The following ARHGAP12 variants were observed in gnomAD, a reference collection of about 807,000 sequenced individuals.
ARHGAP12 encodes the protein rho GTPase-activating protein 12.
ARHGAP12 carries 64 observed loss-of-function variants against 108.6 expected under a neutral mutation model. The ratio of observed to expected loss-of-function variants is 0.59; its 90% CI spans 0.48 to 0.73. The LOEUF (loss-of-function observed/expected upper bound fraction) is 0.73, where lower values mean the gene tolerates loss of function less well. Ranked by LOEUF, ARHGAP12 falls within the 30% of genes least tolerant of loss-of-function variation. The pLI is 0.00. For synonymous variants in ARHGAP12, 312 were observed against 337.2 expected (o/e 0.93, Z 0.82); for missense variants, 940 against 1,005.9 (o/e 0.93, Z 0.89).
At chr10:31,828,161 T>C (rs1472331883) in intron 10 of ARHGAP12, among the ~76,000 whole-genome samples, 3 of 152,138 alleles carry the variant, frequency 2.0e-5, no homozygotes, top group Non-Finnish European at 4.4e-5. Flanking sequence ...TAGGATGAAC[T>C]TTGCTACTGA....
intron 12 of ARHGAP12, among the ~76,000 whole-genome samples, chr10:31,819,965 A>G (rs1020229026): frequency 2.0e-5 from 3 of 152,134 alleles, no homozygotes; most frequent in Non-Finnish European, 4.4e-5. Context: ...TAAAAAAAAA[A>G]AAGGCCTTTA....
intron 3 of ARHGAP12, among the ~76,000 whole-genome samples, chr10:31,881,279 A>C (rs1417373752): frequency 6.6e-6 from 1 of 152,164 alleles, no homozygotes; most frequent in African/African-American, 2.4e-5. Context: ...AAAAACAAAA[A>C]CTTGCCTAAA....
In ARHGAP12 at chr10:31,908,279, A is replaced by C; in HGVS notation, c.577T>G (p.Phe193Val). ...GAATCACAAGATTGTTCCTGGGAGAAGCTAGTTTTCTCTACATCCAAGAAC... is the reference window on the plus strand; with the variant it reads ...GAATCACAAGATTGTTCCTGGGAGACGCTAGTTTTCTCTACATCCAAGAAC... ...PEFLDVEKTS[F>V]SQEQSCDSAG... The change falls in exon 3 of 20, where the codon TTC (phenylalanine) becomes GTC (valine). Residue 193 changes from phenylalanine (F) to valine (V), a missense_variant. Physicochemically the swap from Phe to Val is conservative, Grantham distance 50. Transcript: ENST00000344936. 1 of 1,614,068 alleles carries C rather than the reference A, an allele frequency of 6.2e-7. No individual in the cohort carries two copies. Among genetic ancestry groups the C allele is most frequent in the Non-Finnish European group, 8.5e-7 (1 of 1,180,016 alleles).
chr10:31,914,961 A>G (rs924875202), intron 1 of ARHGAP12, among the ~76,000 whole-genome samples: 1 of 152,252 alleles, frequency 6.6e-6, no homozygotes, highest in African/African-American at 2.4e-5. Context: ...AGCCATAAAA[A>G]AGAAGGCAAT....
rs567208560 is a variant in ARHGAP12, at chr10:31,858,520, G to A, written c.948+2875C>T. ...GCTGCTTGAGCCCAGGAGTTTGAGC[G>A]TTGAGTCTATCCTGGGCAACATAAC... On this transcript the variant is annotated intron_variant, in intron 4 of 19. Coordinates refer to ENST00000344936, the MANE Select transcript of ARHGAP12 (RefSeq NM_018287.7). 6.6e-5 allele frequency among the ~76,000 whole-genome samples: 10 copies of A among 152,218 alleles called. No homozygotes were observed. The East Asian group carries it at 1.7e-3, about 27-fold the overall frequency.
chr10:31,853,007 C>G (rs549430945), intron 5 of ARHGAP12, among the ~76,000 whole-genome samples: 6 of 152,166 alleles, frequency 3.9e-5, no homozygotes, highest in African/African-American at 1.4e-4. Context: ...GGATTATAGG[C>G]GTCAGCCACG....
rs74127840 is a variant in ARHGAP12 at position 31,826,130 on chromosome 10, T to A, written c.1530+174A>T. ...AACACCACTAATTAGACTGTCCTAC[T>A]TAGTCCTCTTTTTCTCTCATAAGTT... On this transcript the variant is annotated intron_variant, in intron 11 of 19. Transcript: ENST00000344936. Among the ~76,000 whole-genome samples the A allele has an allele frequency of 3.5e-3, 526 of 152,332 alleles. 2 individuals carry two copies. The highest frequency in any genetic ancestry group is 0.012 in the African/African-American group (513 of 41,580).
chr10:31,853,714 G>A (rs977979204), intron 5 of ARHGAP12, among the ~76,000 whole-genome samples: 4 of 152,202 alleles, frequency 2.6e-5, no homozygotes, highest in Non-Finnish European at 5.9e-5. Flanking sequence ...AATAGGCAGT[G>A]AGGCGATGTA....
At position 31,812,690 on chromosome 10, in the gene ARHGAP12, A is replaced by G. The variant is rs1342031598; in HGVS notation, c.1951+17T>C. The G allele has an allele frequency of 4.0e-6, 6 of 1,495,592 alleles. No individual in the cohort carries two copies. The highest frequency in any genetic ancestry group is 5.5e-6 in the Non-Finnish European group (6 of 1,089,260). 92.6% of individuals were successfully genotyped at this position (1,495,592 alleles called of 1,614,324 possible). ...AGGCCAACATTCATTATTATCAACA[A>G]TACTTCTCCTACCAACCTTTAATAT... On this transcript the variant is annotated intron_variant, in intron 15 of 19. Transcript: ENST00000344936.
intron 3 of ARHGAP12, among the ~76,000 whole-genome samples, chr10:31,881,938 G>A (rs556609156): frequency 4.1e-4 from 59 of 144,130 alleles, no homozygotes; most frequent in African/African-American, 1.4e-3. Flanking sequence ...TTTTTGAGAC[G>A]GAGTCTCGCT....
chr10:31,873,922 G>A (rs1006412708), intron 3 of ARHGAP12, among the ~76,000 whole-genome samples: 1 of 152,154 alleles, frequency 6.6e-6, no homozygotes, highest in African/African-American at 2.4e-5. Context: ...TGCTGATAAG[G>A]CAACATGCGA....
chr10:31,873,135 T>G (rs1402968731), intron 3 of ARHGAP12, among the ~76,000 whole-genome samples: 2 of 152,192 alleles, frequency 1.3e-5, no homozygotes, highest in Non-Finnish European at 2.9e-5. Context: ...AAAAGAGAGA[T>G]AAAATGAATT....
intron 4 of ARHGAP12, among the ~76,000 whole-genome samples, chr10:31,860,455 T>C (rs775816729): frequency 3.3e-5 from 5 of 152,228 alleles, no homozygotes; most frequent in Non-Finnish European, 5.9e-5. Context: ...ACTACTGAGA[T>C]AAGTGTTTCT....
At chr10:31,818,443 G>C (rs901586661) in intron 12 of ARHGAP12, among the ~76,000 whole-genome samples, 4 of 152,186 alleles carry the variant, frequency 2.6e-5, no homozygotes, top group African/African-American at 9.7e-5. Context: ...CAGATCATGA[G>C]CTGAAGTAAG....
intron 9 of ARHGAP12, among the ~76,000 whole-genome samples, chr10:31,832,863 A>G (rs1270355168): frequency 6.6e-6 from 1 of 152,190 alleles, no homozygotes; most frequent in African/African-American, 2.4e-5. Context: ...CAAAGCTGAC[A>G]AACTGCTATG....
intron 9 of ARHGAP12, among the ~76,000 whole-genome samples, chr10:31,834,944 T>C (rs908584172): frequency 2.0e-5 from 3 of 152,196 alleles, no homozygotes; most frequent in Non-Finnish European, 4.4e-5. Context: ...CTCACGCCTG[T>C]AATCTCAGCA....
chr10:31,926,452 T>A (rs541336902), intron 1 of ARHGAP12, among the ~76,000 whole-genome samples: 1 of 152,368 alleles, frequency 6.6e-6, no homozygotes, highest in African/African-American at 2.4e-5. Context: ...CTTTCACATC[T>A]GATTCATACT....
chr10:31,905,567 A>G (rs1014930879), intron 3 of ARHGAP12, among the ~76,000 whole-genome samples: 3 of 152,208 alleles, frequency 2.0e-5, no homozygotes, highest in Non-Finnish European at 4.4e-5. Flanking sequence ...ATAAAGGTAA[A>G]GGAAGATAAA....
chr10:31,891,360 T>G (rs537250372), intron 3 of ARHGAP12, among the ~76,000 whole-genome samples: 1 of 152,332 alleles, frequency 6.6e-6, no homozygotes, highest in East Asian at 1.9e-4. Flanking sequence ...GGCTGGATAT[T>G]AAATTCTGGG....
Sources: allele counts gnomAD v4.1 joint callset (sites outside exome capture counted in the v4.1 genomes callset), GRCh38; gene constraint gnomAD v4.1.1; transcripts MANE v1.5; gene names NCBI Gene and HGNC (gene_info 2026-07-23, HGNC 2026-07-21).